Variants in VWC2L observed in about 807,000 individuals in gnomAD.
VWC2L encodes von Willebrand factor C domain-containing protein 2-like.
Under a neutral mutation model 21.6 loss-of-function variants are expected in VWC2L, and 10 were observed. That is an observed-to-expected ratio of 0.46 (90% CI 0.29 to 0.78). The LOEUF (loss-of-function observed/expected upper bound fraction) is 0.78. VWC2L is among the 30% of genes least tolerant of loss of function. VWC2L has a pLI of 0.10. For synonymous variants in VWC2L, 96 were observed against 94.3 expected (o/e 1.02, Z -0.10); for missense variants, 209 against 277.1 (o/e 0.75, Z 1.74).
chr2:214,536,020 G>A (rs559393412), intron 3 of VWC2L, among the ~76,000 whole-genome samples: 14 of 152,084 alleles, frequency 9.2e-5, no homozygotes, highest in African/African-American at 3.1e-4. Context: ...TTTGGCACAG[G>A]GGAAATCAAA....
intron 3 of VWC2L, among the ~76,000 whole-genome samples, chr2:214,522,435 C>A (rs536143136): frequency 6.7e-6 from 1 of 149,374 alleles, no homozygotes; most frequent in Non-Finnish European, 1.5e-5. Flanking sequence ...TCCTCCACTT[C>A]TATTTCTTTA....
chr2:214,565,927 G>A (rs974581430), intron 3 of VWC2L, among the ~76,000 whole-genome samples: 15 of 152,130 alleles, frequency 9.9e-5, no homozygotes, highest in East Asian at 3.9e-4. Flanking sequence ...GAACTGAAAC[G>A]TGGACAGTCT....
rs184714528 is a variant in VWC2L at position 214,454,177 on chromosome 2, T to C, written c.520+17419T>C. Reference sequence around the variant, plus strand: ...TCTAGTAGCTTTTTATGTGTGAGTATGTAGATTCAGTTGAATTTTCCACAT... The same window carrying C: ...TCTAGTAGCTTTTTATGTGTGAGTACGTAGATTCAGTTGAATTTTCCACAT... On this transcript the variant is annotated intron_variant, in intron 3 of 3. Coordinates refer to ENST00000312504, the MANE Select transcript of VWC2L (RefSeq NM_001080500.4). Among the ~76,000 whole-genome samples the C allele has an allele frequency of 2.0e-5, 3 of 152,272 alleles. No individual in the cohort carries two copies. The East Asian group carries it at 5.8e-4, about 29-fold the overall frequency.
At chr2:214,473,930 C>G (rs910754869) in intron 3 of VWC2L, among the ~76,000 whole-genome samples, 13 of 152,102 alleles carry the variant, frequency 8.5e-5, no homozygotes, top group Non-Finnish European at 1.9e-4. Context: ...ATCTTGGTCT[C>G]ATTAGCACAT....
At chr2:214,532,171 A>G (rs73074629) in intron 3 of VWC2L, among the ~76,000 whole-genome samples, 1,783 of 152,266 alleles carry the variant, frequency 0.012, 38 homozygotes, top group African/African-American at 0.04. Context: ...TTCTGATCAC[A>G]TAGGAAATGC....
At chr2:214,442,818 G>C (rs1702782293) in intron 3 of VWC2L, among the ~76,000 whole-genome samples, 1 of 152,012 alleles carries the variant, frequency 6.6e-6, no homozygotes. Flanking sequence ...AAGCTACATT[G>C]CTTATGATTA....
At chr2:214,477,998 GA>G (rs541712907) in intron 3 of VWC2L, among the ~76,000 whole-genome samples, 83 of 152,264 alleles carry the variant, frequency 5.5e-4, no homozygotes, top group African/African-American at 1.9e-3. Context: ...GCTCTTAGAT[GA>G]AAACTCAGAC....
At chr2:214,434,509 TAC>T (rs1424576406) in intron 2 of VWC2L, among the ~76,000 whole-genome samples, 1 of 152,194 alleles carries the variant, frequency 6.6e-6, no homozygotes, top group Non-Finnish European at 1.5e-5. Context: ...TGATTCTTGT[TAC>T]CAAGTGGCAG....
At chr2:214,511,823 A>T (rs2105905953) in intron 3 of VWC2L, among the ~76,000 whole-genome samples, 1 of 125,042 alleles carries the variant, frequency 8.0e-6, no homozygotes, top group Middle Eastern at 4.4e-3. Flanking sequence ...GTTACACAAC[A>T]CACTATATAT....
chr2:214,565,322 C>T (rs1173898019), intron 3 of VWC2L, among the ~76,000 whole-genome samples: 1 of 152,070 alleles, frequency 6.6e-6, no homozygotes, highest in African/African-American at 2.4e-5. Context: ...CTTTGTTATC[C>T]CTTAACTTAG....
At chr2:214,484,555 A>T (rs748231727) in intron 3 of VWC2L, among the ~76,000 whole-genome samples, 3 of 152,146 alleles carry the variant, frequency 2.0e-5, no homozygotes, top group Non-Finnish European at 4.4e-5. Context: ...CAGTGATCAT[A>T]CGGCAGAACA....
In VWC2L at chr2:214,577,225, GTTCT is replaced by G. The variant is rs1690244227; in HGVS notation, c.*1412_*1415del. On this transcript the variant is annotated 3_prime_UTR_variant, in exon 4 of 4. Coordinates refer to ENST00000312504, the MANE Select transcript of VWC2L (RefSeq NM_001080500.4). ...CTTTACAGTTGTCTTTATTATCAAT[GTTCT>G]TTCTTTTTCTGCTCCCCCAACCTGG... 6.6e-6 allele frequency: 1 copy of G among 152,158 alleles called. No homozygotes were observed. The highest frequency in any genetic ancestry group is 2.1e-4 in the South Asian group (1 of 4,830). The allele number at this position is 152,158 out of a possible 1,614,324, so 9.4% of individuals were successfully genotyped here.
chr2:214,446,769 T>C (rs959484057), intron 3 of VWC2L, among the ~76,000 whole-genome samples: 4 of 152,196 alleles, frequency 2.6e-5, no homozygotes, highest in African/African-American at 9.6e-5. Flanking sequence ...GGAAGTTGCA[T>C]GCACTGCTTC....
At chr2:214,485,087 C>T (rs1688657323) in intron 3 of VWC2L, among the ~76,000 whole-genome samples, 1 of 152,074 alleles carries the variant, frequency 6.6e-6, no homozygotes, top group Non-Finnish European at 1.5e-5. Context: ...GAGGTTGAGG[C>T]AGGTGGATCA....
At chr2:214,443,383 C>G (rs1301607013) in intron 3 of VWC2L, among the ~76,000 whole-genome samples, 1 of 149,760 alleles carries the variant, frequency 6.7e-6, no homozygotes, top group Non-Finnish European at 1.5e-5. Flanking sequence ...AAAACAAAAA[C>G]AAAAAAACAA....
At chr2:214,425,572 CTTTAA>C (rs1009138379) in intron 2 of VWC2L, among the ~76,000 whole-genome samples, 5 of 151,960 alleles carry the variant, frequency 3.3e-5, no homozygotes, top group Admixed American at 2.0e-4. Flanking sequence ...AAAAAGTTAT[CTTTAA>C]TTTAATATAA....
At chr2:214,492,444 C>T (rs1198208103) in intron 3 of VWC2L, among the ~76,000 whole-genome samples, 2 of 152,154 alleles carry the variant, frequency 1.3e-5, no homozygotes, top group African/African-American at 2.4e-5. Context: ...CAGCTTAGAA[C>T]AATAATGCAT....
intron 2 of VWC2L, among the ~76,000 whole-genome samples, chr2:214,420,334 A>G (rs936670491): frequency 1.6e-4 from 25 of 152,266 alleles, no homozygotes; most frequent in African/African-American, 6.0e-4. Context: ...AATATGGAGA[A>G]GAAAATGGAA....
At chr2:214,450,981 A>G (rs1286421694) in intron 3 of VWC2L, among the ~76,000 whole-genome samples, 1 of 152,140 alleles carries the variant, frequency 6.6e-6, no homozygotes, top group African/African-American at 2.4e-5. Context: ...CTGAGCTAAA[A>G]TAAGTAAATT....
Sources: gnomAD v4.1 joint callset for allele counts (sites outside exome capture counted in the v4.1 genomes callset) on GRCh38, gnomAD v4.1.1 for gene constraint, MANE v1.5 for transcripts, NCBI Gene and HGNC (gene_info 2026-07-23, HGNC 2026-07-21) for gene names.